The following WWOX variants were observed in gnomAD, a reference collection of about 807,000 sequenced individuals.
The protein encoded by WWOX is WW domain-containing oxidoreductase.
A neutral mutation model predicts 46.2 loss-of-function variants in WWOX; 69 were observed. That is an observed-to-expected ratio of 1.49 (90% CI 1.23 to 1.82). WWOX has a LOEUF of 1.82. Among genes scored for constraint, WWOX ranks in the 40% most tolerant of loss-of-function variants. WWOX has a pLI of 0.00. For missense variants in WWOX, 919 were observed against 542.6 expected (o/e 1.69, Z -6.89); for synonymous variants, 359 against 202.6 (o/e 1.77, Z -6.56).
At chr16:78,180,664 C>A (rs1036704691) in intron 5 of WWOX, among the ~76,000 whole-genome samples, 1 of 151,732 alleles carries the variant, frequency 6.6e-6, no homozygotes, top group Non-Finnish European at 1.5e-5. Context: ...CCAGCCGCAC[C>A]GGAGAGTTGT....
intron 8 of WWOX, among the ~76,000 whole-genome samples, chr16:79,013,347 A>T (rs533977498): frequency 2.6e-5 from 4 of 152,164 alleles, no homozygotes; most frequent in East Asian, 1.9e-4. Flanking sequence ...TAGTACAGGG[A>T]TGTGTCTGAC....
At chr16:78,403,098 CAG>C (rs539924756) in intron 6 of WWOX, among the ~76,000 whole-genome samples, 61 of 152,316 alleles carry the variant, frequency 4.0e-4, no homozygotes, top group African/African-American at 1.3e-3. Flanking sequence ...CTAGGCAAAA[CAG>C]AGGAAAGAGT....
At chr16:78,217,994 G>C (rs149395766) in intron 5 of WWOX, among the ~76,000 whole-genome samples, 1 of 152,058 alleles carries the variant, frequency 6.6e-6, no homozygotes, top group East Asian at 1.9e-4. Flanking sequence ...AGAGGCCAAC[G>C]TATCTCACCC....
intron 8 of WWOX, among the ~76,000 whole-genome samples, chr16:79,001,913 G>T (rs975982013): frequency 6.6e-6 from 1 of 152,092 alleles, no homozygotes; most frequent in Non-Finnish European, 1.5e-5. Flanking sequence ...TTAATTACCA[G>T]CAGTCCATAG....
intron 8 of WWOX, among the ~76,000 whole-genome samples, chr16:78,921,610 G>C (rs1597153531): frequency 2.6e-5 from 4 of 152,300 alleles, no homozygotes; most frequent in East Asian, 3.9e-4. Context: ...CTGGAGCTCA[G>C]GGAGGTTACA....
At chr16:78,605,760 A>T (rs2045741801) in intron 8 of WWOX, among the ~76,000 whole-genome samples, 1 of 152,282 alleles carries the variant, frequency 6.6e-6, no homozygotes, top group Non-Finnish European at 1.5e-5. Context: ...CATGGAAAGG[A>T]TAGGAAGAAG....
intron 8 of WWOX, among the ~76,000 whole-genome samples, chr16:78,513,150 A>G (rs1336966277): frequency 6.6e-6 from 1 of 152,190 alleles, no homozygotes; most frequent in Non-Finnish European, 1.5e-5. Context: ...TTGAATTTTG[A>G]TGATAGCATT....
intron 8 of WWOX, chr16:79,017,454 A>AAAAAAAAAAAAAAAAAAAAAT (rs2047439821): frequency 1.4e-5 from 2 of 147,382 alleles, no homozygotes; most frequent in Non-Finnish European, 3.0e-5. Flanking sequence ...AAAAAAAAAA[A>AAAAAAAAAAAAAAAAAAAAAT]AAAAAAAAGA....
At chr16:78,119,905 A>G (rs1316571178) in intron 4 of WWOX, among the ~76,000 whole-genome samples, 1 of 152,180 alleles carries the variant, frequency 6.6e-6, no homozygotes, top group Non-Finnish European at 1.5e-5. Context: ...TTTGGTCCAG[A>G]TGAAGTTTCT....
chr16:78,769,350 C>G (rs967903427), intron 8 of WWOX, among the ~76,000 whole-genome samples: 16 of 152,226 alleles, frequency 1.1e-4, no homozygotes, highest in African/African-American at 3.9e-4. Context: ...CACAATGTCT[C>G]TTGCTCCGCC....
chr16:78,566,634 G>A (rs2044575620), intron 8 of WWOX, among the ~76,000 whole-genome samples: 1 of 152,180 alleles, frequency 6.6e-6, no homozygotes, highest in African/African-American at 2.4e-5. Flanking sequence ...ACTGTGCAGA[G>A]CTTCCTTCTT....
chr16:78,418,019 C>T (rs967499000), intron 6 of WWOX, among the ~76,000 whole-genome samples: 24 of 152,208 alleles, frequency 1.6e-4, no homozygotes, highest in African/African-American at 5.5e-4. Flanking sequence ...TGATTAAATA[C>T]GTTTTTCTAG....
At chr16:78,819,569 G>A (rs936195303) in intron 8 of WWOX, among the ~76,000 whole-genome samples, 2 of 152,208 alleles carry the variant, frequency 1.3e-5, no homozygotes, top group East Asian at 3.9e-4. Context: ...TGCCACTGTG[G>A]GTACTCTGCA....
At chr16:78,360,457 C>T (rs1480380649) in intron 5 of WWOX, among the ~76,000 whole-genome samples, 1 of 151,882 alleles carries the variant, frequency 6.6e-6, no homozygotes, top group Non-Finnish European at 1.5e-5. Flanking sequence ...TGGCAGCGCA[C>T]ACCTGTAATC....
At chr16:78,244,052 G>A (rs900822838) in intron 5 of WWOX, among the ~76,000 whole-genome samples, 1 of 152,194 alleles carries the variant, frequency 6.6e-6, no homozygotes, top group Non-Finnish European at 1.5e-5. Flanking sequence ...GCCTGTGGTG[G>A]AAGGTGTCCA....
At chr16:78,485,330 G>C (rs1339039151) in intron 8 of WWOX, among the ~76,000 whole-genome samples, 1 of 151,986 alleles carries the variant, frequency 6.6e-6, no homozygotes, top group Non-Finnish European at 1.5e-5. Flanking sequence ...TTCGATTTTG[G>C]CTCTGTGTTG....
In WWOX at chr16:78,579,671, C is replaced by T. The variant is rs147655787; in HGVS notation, c.1056+146919C>T. Among the ~76,000 whole-genome samples, 460 of 152,316 alleles carry T rather than the reference C, an allele frequency of 3.0e-3. 1 individual carries two copies. Among genetic ancestry groups the T allele is most frequent in the Non-Finnish European group, 5.3e-3 (362 of 68,034 alleles). ...TGTAAGAGATCATCTCTGTCTCTAT[C>T]ACATTACCGACGGAGAAGTGGGATA... On this transcript the variant is annotated intron_variant, in intron 8 of 8. Coordinates refer to ENST00000566780, the MANE Select transcript of WWOX (RefSeq NM_016373.4).
chr16:78,296,564 A>G (rs1171255883), intron 5 of WWOX, among the ~76,000 whole-genome samples: 1 of 151,612 alleles, frequency 6.6e-6, no homozygotes, highest in East Asian at 1.9e-4. Context: ...GTACATGTAT[A>G]TCAACTTCAA....
At chr16:79,001,745 G>A (rs191864134) in intron 8 of WWOX, among the ~76,000 whole-genome samples, 89 of 151,904 alleles carry the variant, frequency 5.9e-4, no homozygotes, top group African/African-American at 1.9e-3. Context: ...GAGGAAGGGG[G>A]CGTTTGTGCA....
Sources: allele counts gnomAD v4.1 joint callset (sites outside exome capture counted in the v4.1 genomes callset), GRCh38; gene constraint gnomAD v4.1.1; transcripts MANE v1.5; gene names NCBI Gene and HGNC (gene_info 2026-07-23, HGNC 2026-07-21).